Variants in MIR2052HG observed in about 807,000 individuals in gnomAD.
MIR2052HG encodes MIR2052 host gene.
chr8:74,621,137 C>T (rs1808356130), intron 2 of MIR2052HG, among the ~76,000 whole-genome samples: 1 of 152,210 alleles, frequency 6.6e-6, no homozygotes, highest in Admixed American at 6.5e-5. Context: ...GTCCATATTG[C>T]TGTCAGCATT....
intron 4 of MIR2052HG, among the ~76,000 whole-genome samples, chr8:74,749,389 T>G (rs1809920186): frequency 6.6e-6 from 1 of 151,902 alleles, no homozygotes. Flanking sequence ...TGCCACTTCC[T>G]ATCACCAAGT....
intron 4 of MIR2052HG, among the ~76,000 whole-genome samples, chr8:74,710,921 T>G (rs1250091803): frequency 6.6e-6 from 1 of 152,170 alleles, no homozygotes; most frequent in Non-Finnish European, 1.5e-5. Context: ...TGGGTGACTC[T>G]CTGATGTGAG....
chr8:74,656,648 CA>C (rs1254068703), intron 2 of MIR2052HG, among the ~76,000 whole-genome samples: 1 of 152,070 alleles, frequency 6.6e-6, no homozygotes, highest in Non-Finnish European at 1.5e-5. Context: ...TCTTTATCAG[CA>C]GTGTGAAAAT....
At chr8:74,734,632 G>C (rs993003677) in intron 4 of MIR2052HG, among the ~76,000 whole-genome samples, 3 of 152,156 alleles carry the variant, frequency 2.0e-5, no homozygotes, top group South Asian at 2.1e-4. Flanking sequence ...GTATGATTTG[G>C]GAACATATAA....
In MIR2052HG at chr8:74,600,319, T is replaced by G. The variant is rs538846111; in HGVS notation, n.128+411T>G. On this transcript the variant is annotated intron_variant and non_coding_transcript_variant, in intron 1 of 6. Transcript: ENST00000523442. ...TGGAGTTTCAGGTGGGCATGGTGGC[T>G]CACACCTGTAATCCCAGCACTTTGA... is the stretch of plus-strand genomic sequence containing the variant. 7.9e-3 allele frequency among the ~76,000 whole-genome samples: 1,195 copies of G among 151,336 alleles called. 13 individuals carry two copies. Among genetic ancestry groups the G allele is most frequent in the Non-Finnish European group, 0.012 (781 of 67,782 alleles).
chr8:74,678,563 C>CAAAAAAAAAAAAAAAAAAAAAAA (rs763073114), intron 2 of MIR2052HG, among the ~76,000 whole-genome samples: 1 of 53,522 alleles, frequency 1.9e-5, no homozygotes, highest in Non-Finnish European at 3.5e-5. Context: ...GAGTTTGTCT[C>CAAAAAAAAAAAAAAAAAAAAAAA]AAAAAAAAAA....
At chr8:74,657,368 T>G (rs1469335921) in intron 2 of MIR2052HG, among the ~76,000 whole-genome samples, 1 of 152,168 alleles carries the variant, frequency 6.6e-6, no homozygotes, top group Non-Finnish European at 1.5e-5. Context: ...CCCTATAACT[T>G]TTCAGTGACT....
At chr8:74,630,768 CA>C (rs1808500413) in intron 2 of MIR2052HG, among the ~76,000 whole-genome samples, 1 of 152,132 alleles carries the variant, frequency 6.6e-6, no homozygotes, top group African/African-American at 2.4e-5. Context: ...CAATTCACAA[CA>C]AGAAGAGTGG....
intron 4 of MIR2052HG, among the ~76,000 whole-genome samples, chr8:74,718,725 G>T (rs1274773660): frequency 2.6e-5 from 4 of 152,086 alleles, no homozygotes. Context: ...GTAATGGTGA[G>T]GACTGTCTTC....
chr8:74,742,221 A>G (rs1379099873), intron 4 of MIR2052HG, among the ~76,000 whole-genome samples: 1 of 152,190 alleles, frequency 6.6e-6, no homozygotes, highest in Non-Finnish European at 1.5e-5. Context: ...GGGGAGTTCT[A>G]CAAGGTCATC....
Position 74,684,823 on chromosome 8 carries a change from A to G in MIR2052HG, n.217-17556A>G, listed in dbSNP as rs192193152. Among the ~76,000 whole-genome samples the G allele has an allele frequency of 5.9e-5, 9 of 152,252 alleles. No homozygotes were observed. The East Asian group carries it at 1.7e-3, about 29-fold the overall frequency. On this transcript the variant is annotated intron_variant and non_coding_transcript_variant, in intron 2 of 6. Transcript: ENST00000523442. Reference sequence around the variant, plus strand: ...GTCAGCAGATAATCTAGACAGTGACAAATAAAACAAAACATTTTCTCCAGC... The same window carrying G: ...GTCAGCAGATAATCTAGACAGTGACGAATAAAACAAAACATTTTCTCCAGC...
rs149383742 is a variant in MIR2052HG at position 74,654,655 on chromosome 8, C to T, written n.216+41715C>T. Reference sequence around the variant, plus strand: ...TGCCATGATTCTGAGACCTCCCCAGCCATGTGGAAGTGTAAGTCCAATTAA... The same window carrying T: ...TGCCATGATTCTGAGACCTCCCCAGTCATGTGGAAGTGTAAGTCCAATTAA... On this transcript the variant is annotated intron_variant and non_coding_transcript_variant, in intron 2 of 6. Coordinates refer to ENST00000523442, the Ensembl canonical transcript of MIR2052HG. Among the ~76,000 whole-genome samples the T allele has an allele frequency of 4.7e-3, 714 of 152,210 alleles. 4 individuals carry two copies. The highest frequency in any genetic ancestry group is 0.015 in the African/African-American group (626 of 41,522).
chr8:74,699,811 A>C (rs894062569), intron 2 of MIR2052HG, among the ~76,000 whole-genome samples: 11 of 152,132 alleles, frequency 7.2e-5, no homozygotes, highest in African/African-American at 2.7e-4. Flanking sequence ...TTAAGTGGAA[A>C]TGGTTTCTAT....
intron 4 of MIR2052HG, among the ~76,000 whole-genome samples, chr8:74,722,539 T>C (rs1809589856): frequency 6.6e-6 from 1 of 152,222 alleles, no homozygotes; most frequent in East Asian, 1.9e-4. Context: ...TCTTCTGATA[T>C]AACCTTGCTT....
At chr8:74,739,789 T>A (rs920887673) in intron 4 of MIR2052HG, among the ~76,000 whole-genome samples, 7 of 152,134 alleles carry the variant, frequency 4.6e-5, no homozygotes, top group East Asian at 1.9e-4. Context: ...AATATTTTTT[T>A]AAAAATCCAA....
intron 2 of MIR2052HG, among the ~76,000 whole-genome samples, chr8:74,678,936 A>G (rs1035386841): frequency 1.3e-5 from 2 of 152,192 alleles, no homozygotes; most frequent in Non-Finnish European, 2.9e-5. Context: ...TTCATTCACC[A>G]TGAAAGAGAA....
intron 4 of MIR2052HG, among the ~76,000 whole-genome samples, chr8:74,731,347 C>G (rs1809690629): frequency 6.6e-6 from 1 of 152,172 alleles, no homozygotes; most frequent in Non-Finnish European, 1.5e-5. Flanking sequence ...CAAGGGCCAG[C>G]AGTTTGTCAT....
chr8:74,717,205 G>A (rs1265629928), intron 4 of MIR2052HG, among the ~76,000 whole-genome samples: 1 of 151,470 alleles, frequency 6.6e-6, no homozygotes, highest in Non-Finnish European at 1.5e-5. Flanking sequence ...CACTCCCTGT[G>A]TCCATGTGTT....
chr8:74,672,189 G>A (rs1809000850), intron 2 of MIR2052HG, among the ~76,000 whole-genome samples: 1 of 151,966 alleles, frequency 6.6e-6, no homozygotes, highest in African/African-American at 2.4e-5. Flanking sequence ...GGCCTTCTAT[G>A]CATCACATTT....
Sources: gnomAD v4.1 joint callset for allele counts (sites outside exome capture counted in the v4.1 genomes callset) on GRCh38, gnomAD v4.1.1 for gene constraint, MANE v1.5 for transcripts, NCBI Gene and HGNC (gene_info 2026-07-23, HGNC 2026-07-21) for gene names.